Variants in NXN observed in about 807,000 individuals in gnomAD.
The protein encoded by NXN is nucleoredoxin.
Under a neutral mutation model 48.6 loss-of-function variants are expected in NXN, and 16 were observed. The observed-to-expected ratio is 0.33, with a 90% CI of 0.22 to 0.50. The LOEUF is 0.50. Ranked by LOEUF, NXN falls within the 20% of genes least tolerant of loss-of-function variation. The pLI is 0.98. For synonymous variants in NXN, 281 were observed against 269.6 expected, an observed-to-expected ratio of 1.04 and a Z score of -0.41; for missense variants, 492 against 605.5, an observed-to-expected ratio of 0.81 and a Z score of 1.97.
At chr17:801,589 G>A (rs1911215578) in intron 7 of NXN, among the ~76,000 whole-genome samples, 1 of 151,452 alleles carries the variant, frequency 6.6e-6, no homozygotes, top group Admixed American at 6.6e-5. Flanking sequence ...GGGACTACAG[G>A]CGCCCACCAC....
At chr17:925,406 G>A (rs1306759045) in intron 1 of NXN, among the ~76,000 whole-genome samples, 1 of 152,100 alleles carries the variant, frequency 6.6e-6, no homozygotes, top group Non-Finnish European at 1.5e-5. Flanking sequence ...TTGACTGACT[G>A]AGACAGAGTT....
intron 1 of NXN, among the ~76,000 whole-genome samples, chr17:880,527 G>A (rs974911051): frequency 1.3e-5 from 2 of 152,092 alleles, no homozygotes; most frequent in Non-Finnish European, 2.9e-5. Flanking sequence ...TTCACATGTG[G>A]TCAAGTTAAA....
Position 971,648 on chromosome 17 carries a change from G to T in NXN, c.360+7671C>A, listed in dbSNP as rs1053044240. Among the ~76,000 whole-genome samples, 220 of 151,938 alleles carry T rather than the reference G, an allele frequency of 1.4e-3. 2 individuals are homozygous for T. Among genetic ancestry groups the T allele is most frequent in the African/African-American group, 5.2e-3 (216 of 41,456 alleles). ...TGGCGTGAACCGGGAAGGCGGAGCT[G>T]GCAGTCAGCCGAGATCGCGCCACTG... On this transcript the variant is annotated intron_variant, in intron 1 of 7. Coordinates refer to ENST00000336868, the MANE Select transcript of NXN (RefSeq NM_022463.5).
At position 830,683 on chromosome 17, in the gene NXN, G is replaced by T. The variant is rs1913407401; in HGVS notation, c.361-4605C>A. On this transcript the variant is annotated intron_variant, in intron 1 of 7. Transcript: ENST00000336868. The surrounding 1 kb of genome is among the most constrained non-coding windows in gnomAD (Gnocchi z 4.2). Reference sequence around the variant, plus strand: ...GCAAAAATAACAGGTCACAGGGAATGACGTGACCTGATTCACAGTTTAAAA... The same window carrying T: ...GCAAAAATAACAGGTCACAGGGAATTACGTGACCTGATTCACAGTTTAAAA... Among the ~76,000 whole-genome samples the T allele has an allele frequency of 6.6e-6, 1 of 152,170 alleles. No homozygotes were observed. The highest frequency in any genetic ancestry group is 2.4e-5 in the African/African-American group (1 of 41,444).
rs1567864152 is a variant in NXN, at chr17:923,952, TA to T, written c.360+55366del. 7.2e-5 allele frequency among the ~76,000 whole-genome samples: 11 copies of T among 152,338 alleles called. No homozygotes were observed. In the South Asian group the frequency reaches 2.3e-3, roughly 32 times the overall value. On this transcript the variant is annotated intron_variant, in intron 1 of 7. Transcript: ENST00000336868. ...GTTAAACCCCACTTTTGTATTTTTTTAAGTATATTTTACAGAAGAAAGGAAA... is the reference window on the plus strand; with the variant it reads ...GTTAAACCCCACTTTTGTATTTTTTTAGTATATTTTACAGAAGAAAGGAAA...
chr17:876,190 G>GAA (rs199754441), intron 1 of NXN, among the ~76,000 whole-genome samples: 9 of 101,796 alleles, frequency 8.8e-5, no homozygotes, highest in African/African-American at 1.3e-4. Context: ...AGAAAAGAAA[G>GAA]AAAAAAAAGA....
chr17:977,431 C>T (rs1033827518), intron 1 of NXN, among the ~76,000 whole-genome samples: 10 of 152,344 alleles, frequency 6.6e-5, no homozygotes, highest in African/African-American at 2.2e-4. Flanking sequence ...TACTTTTTGT[C>T]ATGCAAAGAG....
At chr17:840,163 T>C (rs1914065765) in intron 1 of NXN, among the ~76,000 whole-genome samples, 1 of 151,672 alleles carries the variant, frequency 6.6e-6, no homozygotes, top group African/African-American at 2.4e-5. Flanking sequence ...AAAAATATGA[T>C]GTTCCCTGTA....
chr17:957,693 G>A (rs1480059261), intron 1 of NXN, among the ~76,000 whole-genome samples: 1 of 151,620 alleles, frequency 6.6e-6, no homozygotes, highest in Non-Finnish European at 1.5e-5. Flanking sequence ...TTTGAGTGTG[G>A]CCTCCTTGGT....
At chr17:955,159 TTTC>T (rs1241387004) in intron 1 of NXN, among the ~76,000 whole-genome samples, 10 of 147,324 alleles carry the variant, frequency 6.8e-5, no homozygotes, top group African/African-American at 2.4e-4. Flanking sequence ...TGCTCATCTC[TTTC>T]TTTTTTTTTT....
intron 5 of NXN, among the ~76,000 whole-genome samples, chr17:813,610 G>A (rs1399213682): frequency 6.6e-6 from 1 of 152,200 alleles, no homozygotes; most frequent in Non-Finnish European, 1.5e-5. Context: ...TGCCACTGAC[G>A]TTTCTGTGTG....
intron 4 of NXN, among the ~76,000 whole-genome samples, chr17:821,968 C>T (rs373796718): frequency 1.3e-5 from 2 of 152,006 alleles, no homozygotes; most frequent in East Asian, 1.9e-4. Flanking sequence ...TTTTCCTCAG[C>T]TCCCCTTCAG....
chr17:943,786 C>T (rs554878730), intron 1 of NXN, among the ~76,000 whole-genome samples: 2 of 151,734 alleles, frequency 1.3e-5, no homozygotes, highest in South Asian at 2.1e-4. Context: ...GATCGCGCCA[C>T]TGCACTCCAG....
intron 1 of NXN, among the ~76,000 whole-genome samples, chr17:843,038 AAG>A (rs1240546232): frequency 1.2e-4 from 17 of 143,166 alleles, no homozygotes; most frequent in East Asian, 1.0e-3. Flanking sequence ...GAAAGAAAGA[AAG>A]AAAGAAAGAA....
intron 3 of NXN, among the ~76,000 whole-genome samples, chr17:822,858 G>A (rs1252370803): frequency 6.6e-6 from 1 of 152,208 alleles, no homozygotes; most frequent in East Asian, 1.9e-4. Context: ...CCAGCACTTT[G>A]GGAGGCCAAG....
Position 920,617 on chromosome 17 carries a change from T to C in NXN, c.360+58702A>G, listed in dbSNP as rs1319363106. 6.6e-6 allele frequency among the ~76,000 whole-genome samples: 1 copy of C among 152,042 alleles called. No individual in the cohort carries two copies. Among genetic ancestry groups the C allele is most frequent in the Non-Finnish European group, 1.5e-5 (1 of 67,998 alleles). On this transcript the variant is annotated intron_variant, in intron 1 of 7. Transcript: ENST00000336868. This position sits in a 1 kb window ranked among gnomAD's most constrained non-coding sequence, Gnocchi z 4.6. ...AGCCCAGGGTGGGTCTCATCAACTG[T>C]ACCCTCACTGGCAGCACCCAGGACG...
intron 1 of NXN, among the ~76,000 whole-genome samples, chr17:915,002 T>A (rs1370399519): frequency 1.3e-5 from 2 of 151,784 alleles, no homozygotes; most frequent in Admixed American, 6.6e-5. Flanking sequence ...TGGTGCGATC[T>A]CGGCTCACTC....
In NXN at chr17:835,087, T is replaced by A. The variant is rs184963192; in HGVS notation, c.361-9009A>T. ...ACTTTGGGAGGCCGAGGCGGGCGGA[T>A]CACAAGGTCAGGAGATCGAGACCAT... On this transcript the variant is annotated intron_variant, in intron 1 of 7. Coordinates refer to ENST00000336868, the MANE Select transcript of NXN (RefSeq NM_022463.5). 7.6e-3 allele frequency among the ~76,000 whole-genome samples: 1,139 copies of A among 150,596 alleles called. 15 individuals carry two copies. The highest frequency in any genetic ancestry group is 0.026 in the African/African-American group (1,077 of 41,134).
intron 1 of NXN, among the ~76,000 whole-genome samples, chr17:974,019 T>G (rs1178291334): frequency 6.6e-6 from 1 of 151,640 alleles, no homozygotes; most frequent in African/African-American, 2.4e-5. Flanking sequence ...CAAATCCCCT[T>G]GTATGCTTGT....
Sources: gnomAD v4.1 joint callset for allele counts (sites outside exome capture counted in the v4.1 genomes callset) on GRCh38, gnomAD v4.1.1 for gene constraint, Gnocchi (gnomAD v3.1) non-coding constraint, MANE v1.5 for transcripts, NCBI Gene and HGNC (gene_info 2026-07-23, HGNC 2026-07-21) for gene names.